The following RAC2 variants were observed in gnomAD, a reference collection of about 807,000 sequenced individuals.
The protein encoded by RAC2 is ras-related C3 botulinum toxin substrate 2.
In RAC2, 1 loss-of-function variant was observed where a neutral mutation model predicts 24.0. The ratio of observed to expected loss-of-function variants is 0.04; its 90% CI spans 0.01 to 0.20. RAC2 has a LOEUF of 0.20. RAC2 is among the 10% of genes least tolerant of loss of function. The pLI, the probability that RAC2 is intolerant of heterozygous loss-of-function variation, is 1.00. For missense variants in RAC2, 130 were observed against 259.1 expected (o/e 0.50, Z 3.42); for synonymous variants, 114 against 106.8 (o/e 1.07, Z -0.41).
chr22:37,231,524 G>A lies in RAC2; in HGVS notation c.289-134C>T. On this transcript the variant is annotated intron_variant, in intron 4 of 6. Transcript: ENST00000249071. The surrounding 1 kb of genome is among the most constrained non-coding windows in gnomAD (Gnocchi z 5.5). ...TTGCCAGAAGATCAGAGGTGGGCAC[G>A]ACGGTGAGGAGAGAGAGACGTGAGG... The A allele has an allele frequency of 2.6e-5, 21 of 799,818 alleles. No individual in the cohort carries two copies. Among genetic ancestry groups the A allele is most frequent in the Non-Finnish European group, 3.3e-5 (16 of 490,628 alleles). 49.5% of individuals were successfully genotyped at this position (799,818 alleles called of 1,614,324 possible).
intron 2 of RAC2, chr22:37,240,721 G>A (rs1251093801): frequency 1.9e-5 from 8 of 413,660 alleles, no homozygotes; most frequent in East Asian, 1.8e-4. Flanking sequence ...AAGTCACTCT[G>A]GGGAGTGGAG....
intron 2 of RAC2, chr22:37,241,205 C>A: frequency 2.6e-6 from 2 of 773,860 alleles, no homozygotes; most frequent in Non-Finnish European, 4.8e-6. Flanking sequence ...CATGCCTTGT[C>A]CCCAGGTGTC....
intron 2 of RAC2, among the ~76,000 whole-genome samples, chr22:37,238,375 T>C (rs569829444): frequency 1.3e-5 from 2 of 152,256 alleles, no homozygotes; most frequent in South Asian, 4.2e-4. Flanking sequence ...TCGCTGGGAC[T>C]ACAGGCATGC....
Position 37,226,772 on chromosome 22 carries a change from G to A in RAC2, c.480C>T (p.Leu160=), listed in dbSNP as rs1349225510. Residue 160 remains leucine (L), a synonymous_variant, in exon 6 of 7, where the codon CTC becomes CTT. Transcript: ENST00000249071. ...DSVKYLECSA[L]TQRGLKTVFD... ...ACACGGTTTTCAGGCCTCTCTGGGT[G>A]AGAGCTGAGCACTCCAGGTATTTCA... 40 of 1,613,036 alleles carry A rather than the reference G, an allele frequency of 2.5e-5. No homozygotes were observed. The highest frequency in any genetic ancestry group is 3.2e-5 in the Non-Finnish European group (38 of 1,179,550).
chr22:37,230,078 T>C (rs2145822570), intron 5 of RAC2, among the ~76,000 whole-genome samples: 1 of 152,094 alleles, frequency 6.6e-6, no homozygotes, highest in East Asian at 1.9e-4. Flanking sequence ...AAGGAAAGAC[T>C]TGCAGGCTGG....
intron 5 of RAC2, 57 bp from the exon 6 acceptor site, chr22:37,226,860 C>A: frequency 6.3e-7 from 1 of 1,598,764 alleles, no homozygotes; most frequent in African/African-American, 1.4e-5. Flanking sequence ...GGGTTCTGGG[C>A]CAACATGTCT....
intron 2 of RAC2, among the ~76,000 whole-genome samples, chr22:37,234,898 G>A (rs1927176787): frequency 6.6e-6 from 1 of 152,188 alleles, no homozygotes; most frequent in Non-Finnish European, 1.5e-5. Flanking sequence ...CTCTCTGGCG[G>A]AGCTTCGTCG....
intron 2 of RAC2, among the ~76,000 whole-genome samples, chr22:37,239,857 G>A (rs1927336013): frequency 6.6e-6 from 1 of 152,156 alleles, no homozygotes; most frequent in Non-Finnish European, 1.5e-5. Context: ...CCCTGCTCAG[G>A]TTTGCAGCCA....
At chr22:37,232,767 G>A in intron 3 of RAC2, 34 bp downstream of exon 3, 1 of 1,554,692 alleles carries the variant, frequency 6.4e-7, no homozygotes, top group Non-Finnish European at 8.9e-7. Flanking sequence ...AGACAGCAAA[G>A]GTCAGGACTG....
Position 37,231,085 on chromosome 22 carries a change from C to T in RAC2, c.448+146G>A, listed in dbSNP as rs934833488. The T allele has an allele frequency of 8.9e-5, 85 of 957,416 alleles. No individual in the cohort carries two copies. The East Asian group carries it at 1.9e-3, about 22-fold the overall frequency. 59.3% of individuals were successfully genotyped at this position (957,416 alleles called of 1,614,324 possible). A position where few individuals can be genotyped will look rare whatever the true frequency, so the allele number is the denominator to read the frequency against. On this transcript the variant is annotated intron_variant, in intron 5 of 6. Transcript: ENST00000249071. The surrounding 1 kb of genome is among the most constrained non-coding windows in gnomAD (Gnocchi z 5.5). ...ACAGGCAGAGAGAGGCTACGTGACTCGCCCAAGGTCACACAGCAAGTGCAC... is the reference window on the plus strand; with the variant it reads ...ACAGGCAGAGAGAGGCTACGTGACTTGCCCAAGGTCACACAGCAAGTGCAC...
Position 37,231,568 on chromosome 22 carries a change from C to A in RAC2, c.289-178G>T. The A allele has an allele frequency of 1.6e-6, 1 of 634,712 alleles. No individual in the cohort carries two copies. The highest frequency in any genetic ancestry group is 2.8e-6 in the Non-Finnish European group (1 of 362,006). 39.3% of individuals were successfully genotyped at this position (634,712 alleles called of 1,614,324 possible). On this transcript the variant is annotated intron_variant, in intron 4 of 6. Coordinates refer to ENST00000249071, the MANE Select transcript of RAC2 (RefSeq NM_002872.5). The surrounding 1 kb of genome is among the most constrained non-coding windows in gnomAD (Gnocchi z 5.5). The stretch of plus-strand genomic sequence containing the variant: ...CGTGAGGTGGCACAGGGAGGGGAGG[C>A]CACGACGTTGTGCAGGAAGGAGGGG...
Position 37,244,187 on chromosome 22 carries a change from AG to A in RAC2, c.-40del. On this transcript the variant is annotated 5_prime_UTR_variant, in exon 1 of 7. Coordinates refer to ENST00000249071, the MANE Select transcript of RAC2 (RefSeq NM_002872.5). ...TGGAGAGTGTCGGTGGTGACAGCTC[AG>A]GGCCAGGCGCGTTTCTGCGGGCGCA... The A allele has an allele frequency of 6.2e-7, 1 of 1,610,470 alleles. No homozygotes were observed. The highest frequency in any genetic ancestry group is 1.1e-5 in the South Asian group (1 of 90,568).
In RAC2 at chr22:37,231,418, G is replaced by T; in HGVS notation, c.289-28C>A. The T allele has an allele frequency of 1.2e-6, 2 of 1,612,304 alleles. No individual in the cohort carries two copies. Among genetic ancestry groups the T allele is most frequent in the Non-Finnish European group, 1.7e-6 (2 of 1,179,038 alleles). On this transcript the variant is annotated intron_variant, in intron 4 of 6. Coordinates refer to ENST00000249071, the MANE Select transcript of RAC2 (RefSeq NM_002872.5). This position sits in a 1 kb window ranked among gnomAD's most constrained non-coding sequence, Gnocchi z 5.5. ...GGGCAGGTGGGTGGGGGGACACAAG[G>T]TTGTATGGGTCAAGAGGGGGCGCGA... is the stretch of plus-strand genomic sequence containing the variant.
At chr22:37,232,698 G>C (rs1927104385) in intron 3 of RAC2, 103 bp downstream of exon 3, 3 of 946,090 alleles carry the variant, frequency 3.2e-6, no homozygotes, top group Non-Finnish European at 5.1e-6. Flanking sequence ...GCCTTAAGGG[G>C]AGAGGTAGGG....
chr22:37,230,063 T>G (rs540094083), intron 5 of RAC2, among the ~76,000 whole-genome samples: 50 of 152,106 alleles, frequency 3.3e-4, no homozygotes, highest in African/African-American at 1.2e-3. Context: ...ATCCTTGATA[T>G]TTAAAAGGAA....
intron 2 of RAC2, among the ~76,000 whole-genome samples, chr22:37,233,458 T>C (rs1927135939): frequency 6.6e-6 from 1 of 152,052 alleles, no homozygotes; most frequent in Admixed American, 6.5e-5. Flanking sequence ...AATTTTTGTA[T>C]TTTTAGTAGA....
At chr22:37,228,104 A>C (rs1926939791) in intron 5 of RAC2, among the ~76,000 whole-genome samples, 2 of 152,166 alleles carry the variant, frequency 1.3e-5, no homozygotes, top group African/African-American at 4.8e-5. Context: ...TCCCAACATC[A>C]TCAGCCCCTT....
At chr22:37,226,949 C>T in intron 5 of RAC2, 146 bp from the exon 6 acceptor site, 1 of 974,486 alleles carries the variant, frequency 1.0e-6, no homozygotes, top group Non-Finnish European at 1.5e-6. Context: ...CCCTCCCGTG[C>T]CATACACCCC....
chr22:37,240,189 G>C (rs1010744555), intron 2 of RAC2, among the ~76,000 whole-genome samples: 1 of 152,192 alleles, frequency 6.6e-6, no homozygotes, highest in African/African-American at 2.4e-5. Flanking sequence ...ATCCTCTGGG[G>C]TGGGTTGGAA....
Sources: gnomAD v4.1 joint callset for allele counts (sites outside exome capture counted in the v4.1 genomes callset) on GRCh38, gnomAD v4.1.1 for gene constraint, Gnocchi (gnomAD v3.1) non-coding constraint, MANE v1.5 for transcripts, NCBI Gene and HGNC (gene_info 2026-07-23, HGNC 2026-07-21) for gene names.